Variants in SLC12A2 observed in about 807,000 individuals in gnomAD.
SLC12A2 encodes Na-K-2Cl cotransporter 1.
In SLC12A2, 67 loss-of-function variants were observed where a neutral mutation model predicts 136.3. The observed-to-expected ratio is 0.49, with a 90% CI of 0.40 to 0.60. The LOEUF is 0.60. SLC12A2 is among the 20% of genes least tolerant of loss of function. SLC12A2 has a pLI of 0.00. For synonymous variants in SLC12A2, 619 were observed against 562.9 expected (o/e 1.10, Z -1.41); for missense variants, 1,322 against 1,534.7 (o/e 0.86, Z 2.32).
intron 4 of SLC12A2, among the ~76,000 whole-genome samples, chr5:128,126,561 T>G (rs988585927): frequency 2.6e-5 from 4 of 152,198 alleles, no homozygotes; most frequent in African/African-American, 4.8e-5. Context: ...ATTGGAGAGA[T>G]AGCTGCACTC....
chr5:128,097,363 C>A (rs974839789), intron 1 of SLC12A2, among the ~76,000 whole-genome samples: 3 of 151,974 alleles, frequency 2.0e-5, no homozygotes, highest in African/African-American at 7.2e-5. Context: ...CCAATGCTGC[C>A]TATAGAATAT....
intron 19 of SLC12A2, among the ~76,000 whole-genome samples, chr5:128,173,434 G>T (rs1315459207): frequency 6.6e-6 from 1 of 152,152 alleles, no homozygotes; most frequent in Non-Finnish European, 1.5e-5. Flanking sequence ...GAATGTGATT[G>T]AAACTTTTAA....
chr5:128,177,283 C>A (rs1453876743), intron 21 of SLC12A2, 131 bp downstream of exon 21: 5 of 568,540 alleles, frequency 8.8e-6, no homozygotes, highest in South Asian at 2.8e-5. Flanking sequence ...TCTATAAATG[C>A]AGATTAGAAA....
chr5:128,100,042 G>A (rs1057161030), intron 1 of SLC12A2, among the ~76,000 whole-genome samples: 13 of 151,904 alleles, frequency 8.6e-5, no homozygotes, highest in African/African-American at 3.1e-4. Context: ...AATTATATCC[G>A]CTATACTTTT....
At chr5:128,124,482 A>G (rs56867151) in intron 4 of SLC12A2, among the ~76,000 whole-genome samples, 101 of 152,258 alleles carry the variant, frequency 6.6e-4, no homozygotes, top group African/African-American at 2.2e-3. Context: ...ATTTGCTAAA[A>G]TGGCTCCTAG....
Position 128,184,348 on chromosome 5 carries a change from T to A in SLC12A2, c.3300-18T>A. ...TTAAAATAAGATTAGTTGTCAGTAT[T>A]CTTTCTGTTTTTTAAAGTATTATAG... On this transcript the variant is annotated intron_variant, in intron 24 of 26. Transcript: ENST00000262461. 6.9e-7 allele frequency: 1 copy of A among 1,440,916 alleles called. No homozygotes were observed. Among genetic ancestry groups the A allele is most frequent in the Non-Finnish European group, 9.3e-7 (1 of 1,070,092 alleles). 89.3% of individuals were successfully genotyped at this position (1,440,916 alleles called of 1,614,324 possible). A position where few individuals can be genotyped will look rare whatever the true frequency, so the allele number is the denominator to read the frequency against.
Position 128,084,460 on chromosome 5 carries a change from T to C in SLC12A2, c.506T>C (p.Val169Ala). 1 of 1,612,568 alleles carries C rather than the reference T, an allele frequency of 6.2e-7. No homozygotes were observed. The highest frequency in any genetic ancestry group is 2.2e-5 in the East Asian group (1 of 44,828). ...GGGGTCGGAGTCGACGGGCCCAACG[T>C]GAGCTTCCAGAACGGCGGGGACACG... Reference protein sequence around the residue: ...AAGVGVDGPNVSFQNGGDTVL... With the variant: ...AAGVGVDGPNASFQNGGDTVL... The change falls in exon 1 of 27, where the codon GTG becomes GCG. Residue 169 changes from valine (V) to alanine (A), a missense_variant. Transcript: ENST00000262461. This position sits in a 1 kb window ranked among gnomAD's most constrained non-coding sequence, Gnocchi z 5.6.
intron 25 of SLC12A2, 35 bp downstream of exon 25, chr5:128,184,536 A>G (rs766981066): frequency 6.6e-7 from 1 of 1,524,460 alleles, no homozygotes; most frequent in South Asian, 1.3e-5. Flanking sequence ...TTAATCTTTT[A>G]TATAATAAAA....
chr5:128,100,462 A>G (rs1202797303), intron 1 of SLC12A2, among the ~76,000 whole-genome samples: 1 of 152,158 alleles, frequency 6.6e-6, no homozygotes, highest in African/African-American at 2.4e-5. Context: ...GCTGAACTCC[A>G]GTAGATATAA....
intron 1 of SLC12A2, among the ~76,000 whole-genome samples, chr5:128,103,244 G>C (rs1760809207): frequency 6.6e-6 from 1 of 152,092 alleles, no homozygotes; most frequent in South Asian, 2.1e-4. Context: ...TACAATTATT[G>C]TATTTTCTCA....
At chr5:128,141,078 C>T (rs4836365) in intron 9 of SLC12A2, among the ~76,000 whole-genome samples, 6 of 152,112 alleles carry the variant, frequency 3.9e-5, no homozygotes, top group South Asian at 2.1e-4. Context: ...GTGCATTACA[C>T]GTTACTCTGA....
intron 10 of SLC12A2, among the ~76,000 whole-genome samples, chr5:128,142,984 G>A (rs1023225987): frequency 2.0e-5 from 3 of 151,954 alleles, no homozygotes; most frequent in Non-Finnish European, 2.9e-5. Context: ...AGCACCTTAC[G>A]TTTATTTTTA....
At position 128,134,137 on chromosome 5, in the gene SLC12A2, T is replaced by C. The variant is rs976680648; in HGVS notation, c.1189-28T>C. ...TGTGTATAAAAATAACTAGTATTGC[T>C]TATTATATTTATGATTCCTTTTTCT... On this transcript the variant is annotated intron_variant, in intron 5 of 26. Transcript: ENST00000262461. The C allele has an allele frequency of 2.1e-5, 25 of 1,184,536 alleles. No individual in the cohort carries two copies. The African/African-American group carries it at 2.7e-4, about 13-fold the overall frequency. The allele number at this position is 1,184,536 out of a possible 1,614,324, so 73.4% of individuals were successfully genotyped here. A position where few individuals can be genotyped will look rare whatever the true frequency, so the allele number is the denominator to read the frequency against.
intron 13 of SLC12A2, 68 bp from the exon 14 acceptor site, chr5:128,151,173 A>G: frequency 7.5e-7 from 1 of 1,334,010 alleles, no homozygotes; most frequent in Non-Finnish European, 1.0e-6. Flanking sequence ...TATTTTTTGA[A>G]TACATATGTA....
intron 9 of SLC12A2, among the ~76,000 whole-genome samples, chr5:128,141,381 A>G (rs559961168): frequency 6.6e-6 from 1 of 152,266 alleles, no homozygotes; most frequent in East Asian, 1.9e-4. Context: ...CATTCAAATT[A>G]TTTTCCCTCA....
chr5:128,090,003 A>T (rs1230806816), intron 1 of SLC12A2, among the ~76,000 whole-genome samples: 1 of 152,198 alleles, frequency 6.6e-6, no homozygotes, highest in Non-Finnish European at 1.5e-5. Flanking sequence ...AAATATTTAC[A>T]TGTGGCAAAG....
rs1326152247 is a variant in SLC12A2 at position 128,188,120 on chromosome 5, T to G, written c.*1489T>G. The G allele has an allele frequency of 1.3e-5, 2 of 152,014 alleles. No homozygotes were observed. The highest frequency in any genetic ancestry group is 4.8e-5 in the African/African-American group (2 of 41,386). 9.4% of individuals were successfully genotyped at this position (152,014 alleles called of 1,614,324 possible). The stretch of plus-strand genomic sequence containing the variant: ...AGTAAACATATGTTCAAAATCAGAT[T>G]AACAGATACAGGTTTCATAGAGAAC... On this transcript the variant is annotated 3_prime_UTR_variant, in exon 27 of 27. Transcript: ENST00000262461.
chr5:128,084,132 G>C lies in SLC12A2; in HGVS notation c.178G>C (p.Gly60Arg). Residue 60 changes from glycine to arginine, a missense_variant, in exon 1 of 27, where the codon GGC becomes CGC. Physicochemically the swap from Gly to Arg is moderately radical, Grantham distance 125. Around this residue, in one of 8 missense-constraint regions of SLC12A2, gnomAD observed 358 missense variants for 299.7 expected, o/e 1.19. Transcript: ENST00000262461. This position sits in a 1 kb window ranked among gnomAD's most constrained non-coding sequence, Gnocchi z 5.6. ...SRDGGGVRDE[G>R]PAAAGDGLGR... Reference sequence around the variant, plus strand: ...GGACGGCGGCGGGGTCCGCGATGAGGGCCCCGCGGCGGCCGGGGACGGGCT... The same window carrying C: ...GGACGGCGGCGGGGTCCGCGATGAGCGCCCCGCGGCGGCCGGGGACGGGCT... The C allele has an allele frequency of 7.7e-7, 1 of 1,297,014 alleles. No individual in the cohort carries two copies. 80.3% of individuals were successfully genotyped at this position (1,297,014 alleles called of 1,614,324 possible). A position where few individuals can be genotyped will look rare whatever the true frequency, so the allele number is the denominator to read the frequency against.
intron 20 of SLC12A2, among the ~76,000 whole-genome samples, chr5:128,176,510 A>G (rs1407171509): frequency 1.3e-5 from 2 of 152,058 alleles, no homozygotes; most frequent in Non-Finnish European, 2.9e-5. Context: ...ATATAAATGG[A>G]TAAATATTAA....
Sources: allele counts gnomAD v4.1 joint callset (sites outside exome capture counted in the v4.1 genomes callset), GRCh38; gene constraint gnomAD v4.1.1; regional missense constraint gnomAD v4.1.1; non-coding constraint Gnocchi (gnomAD v3.1); transcripts MANE v1.5; gene names NCBI Gene and HGNC (gene_info 2026-07-23, HGNC 2026-07-21).